The following SPAG16 variants were observed in gnomAD, a reference collection of about 807,000 sequenced individuals.
SPAG16 encodes the protein sperm-associated antigen 16 protein.
SPAG16 carries 86 observed loss-of-function variants against 80.4 expected under a neutral mutation model. That is an observed-to-expected ratio of 1.07 (90% CI 0.90 to 1.28). SPAG16 has a LOEUF of 1.28. Ranked by LOEUF, SPAG16 falls within the 50% of genes most tolerant of loss-of-function variation. The pLI is 0.00. For synonymous variants in SPAG16, 294 were observed against 265.9 expected (o/e 1.11, Z -1.03); for missense variants, 870 against 765.3 (o/e 1.14, Z -1.61).
intron 10 of SPAG16, among the ~76,000 whole-genome samples, chr2:213,565,743 G>A (rs2059739038): frequency 6.6e-6 from 1 of 152,218 alleles, no homozygotes; most frequent in Non-Finnish European, 1.5e-5. Flanking sequence ...GAATCAACTA[G>A]TAATAGCCCA....
At chr2:213,789,672 C>G (rs1371312820) in intron 10 of SPAG16, among the ~76,000 whole-genome samples, 4 of 151,858 alleles carry the variant, frequency 2.6e-5, no homozygotes, top group Non-Finnish European at 5.9e-5. Context: ...ATTTTTGTTG[C>G]AAAGGAACCC....
chr2:214,001,031 G>A (rs2046766769), intron 12 of SPAG16, among the ~76,000 whole-genome samples: 1 of 152,068 alleles, frequency 6.6e-6, no homozygotes, highest in African/African-American at 2.4e-5. Context: ...TCTTTCAGGA[G>A]GTAGATATGG....
intron 15 of SPAG16, among the ~76,000 whole-genome samples, chr2:214,374,533 A>C (rs1236270612): frequency 1.3e-5 from 2 of 152,182 alleles, no homozygotes; most frequent in African/African-American, 4.8e-5. Context: ...TGTTTTTCTA[A>C]AATATTTGGT....
chr2:213,641,482 T>A (rs1467530395), intron 10 of SPAG16, among the ~76,000 whole-genome samples: 1 of 152,228 alleles, frequency 6.6e-6, no homozygotes, highest in East Asian at 1.9e-4. Flanking sequence ...CTCTTGAATT[T>A]ACTACAAAGT....
At position 214,202,804 on chromosome 2, in the gene SPAG16, C is replaced by G. The variant is rs1277330788; in HGVS notation, c.1720+53538C>G. Among the ~76,000 whole-genome samples the G allele has an allele frequency of 2.0e-5, 3 of 152,060 alleles. No homozygotes were observed. The South Asian group carries it at 6.2e-4, about 32-fold the overall frequency. ...GCCAAAGCATCAGTCTCCAAACAAA[C>G]GTATTCAAATAGAAAAACAAAGGAA... is the stretch of plus-strand genomic sequence containing the variant. On this transcript the variant is annotated intron_variant, in intron 15 of 15. Transcript: ENST00000331683.
At chr2:214,358,152 T>C (rs928613746) in intron 15 of SPAG16, among the ~76,000 whole-genome samples, 1 of 151,918 alleles carries the variant, frequency 6.6e-6, no homozygotes, top group Non-Finnish European at 1.5e-5. Flanking sequence ...TTGTGGTCCA[T>C]GTAAAAAGCA....
At chr2:214,186,774 T>G (rs573491763) in intron 15 of SPAG16, among the ~76,000 whole-genome samples, 2 of 152,226 alleles carry the variant, frequency 1.3e-5, no homozygotes, top group South Asian at 2.1e-4. Context: ...TTTGTTTTTT[T>G]TTTGAAATGG....
intron 9 of SPAG16, among the ~76,000 whole-genome samples, chr2:213,436,137 T>G (rs1005766351): frequency 4.6e-5 from 7 of 152,214 alleles, no homozygotes; most frequent in Non-Finnish European, 8.8e-5. Flanking sequence ...TCCAAGCTGT[T>G]ATTTATTAGG....
chr2:213,496,005 T>A (rs539738221), intron 10 of SPAG16, among the ~76,000 whole-genome samples: 30 of 152,238 alleles, frequency 2.0e-4, no homozygotes, highest in African/African-American at 6.5e-4. Flanking sequence ...AATCTGAGAA[T>A]GTCAGGAAGG....
At chr2:213,737,550 C>T (rs567147193) in intron 10 of SPAG16, among the ~76,000 whole-genome samples, 63 of 149,280 alleles carry the variant, frequency 4.2e-4, no homozygotes, top group African/African-American at 1.5e-3. Context: ...TGCAGTGGCG[C>T]GATCTCGGCT....
intron 11 of SPAG16, among the ~76,000 whole-genome samples, chr2:213,898,864 T>G (rs1375229537): frequency 6.6e-6 from 1 of 152,196 alleles, no homozygotes; most frequent in East Asian, 1.9e-4. Context: ...AAATTCAACC[T>G]GAATGTGAGT....
rs58582439 is a variant in SPAG16 at position 214,061,981 on chromosome 2, G to GCACACACACA, written c.1528-46185_1528-46176dup. On this transcript the variant is annotated intron_variant, in intron 13 of 15. Transcript: ENST00000331683. ...TAGCATACATAATGAATAAAAGCAT[G>GCACACACACA]CACACACACACACACACACACACAC... is the stretch of plus-strand genomic sequence containing the variant. Among the ~76,000 whole-genome samples the GCACACACACA allele has an allele frequency of 1.4e-3, 156 of 111,566 alleles. 2 individuals are homozygous for GCACACACACA. The highest frequency in any genetic ancestry group is 4.8e-3 in the Middle Eastern group (1 of 208). The allele number at this position is 111,566 out of a possible 152,430, so 73.2% of individuals were successfully genotyped here. A position where few individuals can be genotyped will look rare whatever the true frequency, so the allele number is the denominator to read the frequency against.
intron 15 of SPAG16, among the ~76,000 whole-genome samples, chr2:214,347,349 G>GTTT (rs34525160): frequency 2.0e-5 from 3 of 148,904 alleles, no homozygotes; most frequent in South Asian, 4.2e-4. Context: ...AAATATTAGG[G>GTTT]TTTTTTTTTT....
At chr2:213,853,585 T>C (rs1281257190) in intron 10 of SPAG16, among the ~76,000 whole-genome samples, 1 of 152,232 alleles carries the variant, frequency 6.6e-6, no homozygotes, top group Admixed American at 6.5e-5. Flanking sequence ...TTGTCTTTTC[T>C]TGAATCTGTA....
At chr2:213,961,564 G>T (rs923123506) in intron 12 of SPAG16, among the ~76,000 whole-genome samples, 1 of 148,590 alleles carries the variant, frequency 6.7e-6, no homozygotes, top group South Asian at 2.1e-4. Flanking sequence ...ATCAGATTAA[G>T]AAAGCTGTCT....
At position 213,838,867 on chromosome 2, in the gene SPAG16, G is replaced by T. The variant is rs192908212; in HGVS notation, c.1071-23618G>T. Among the ~76,000 whole-genome samples the T allele has an allele frequency of 3.2e-3, 490 of 152,256 alleles. 3 individuals are homozygous for T. The highest frequency in any genetic ancestry group is 5.3e-3 in the Non-Finnish European group (362 of 68,024). On this transcript the variant is annotated intron_variant, in intron 10 of 15. Coordinates refer to ENST00000331683, the MANE Select transcript of SPAG16 (RefSeq NM_024532.5). The stretch of plus-strand genomic sequence containing the variant: ...AAGATCAGATAACCCACTTAGTTTT[G>T]GCTTGGCAACATGGAACAGAAGCAT...
intron 13 of SPAG16, among the ~76,000 whole-genome samples, chr2:214,034,909 C>T (rs752878839): frequency 5.3e-5 from 8 of 152,174 alleles, no homozygotes; most frequent in Non-Finnish European, 1.0e-4. Context: ...CCCTGCCATT[C>T]GGCAGGTCCT....
rs1285647154 is a variant in SPAG16 at position 213,876,477 on chromosome 2, G to A, written c.1214+13849G>A. 4.6e-5 allele frequency among the ~76,000 whole-genome samples: 7 copies of A among 152,032 alleles called. No homozygotes were observed. In the East Asian group the frequency reaches 1.3e-3, roughly 29 times the overall value. On this transcript the variant is annotated intron_variant, in intron 11 of 15. Transcript: ENST00000331683. The stretch of plus-strand genomic sequence containing the variant: ...TATCAATAAAAAGAGCCTCCTTGTG[G>A]AGAAAGGAATAAGTCACATATAAAT...
intron 10 of SPAG16, among the ~76,000 whole-genome samples, chr2:213,585,312 T>C (rs1289363493): frequency 6.7e-6 from 1 of 149,832 alleles, no homozygotes; most frequent in Admixed American, 6.7e-5. Flanking sequence ...AGTCTCACTC[T>C]ATTGCCCAGG....
Sources: allele counts gnomAD v4.1 joint callset (sites outside exome capture counted in the v4.1 genomes callset), GRCh38; gene constraint gnomAD v4.1.1; transcripts MANE v1.5; gene names NCBI Gene and HGNC (gene_info 2026-07-23, HGNC 2026-07-21).